Variants in GNPTAB observed in about 807,000 individuals in gnomAD.
GNPTAB encodes N-acetylglucosamine-1-phosphate transferase subunits alpha and beta.
In GNPTAB, 92 loss-of-function variants were observed where a neutral mutation model predicts 136.6. The ratio of observed to expected loss-of-function variants is 0.67; its 90% confidence interval spans 0.57 to 0.80. The LOEUF (loss-of-function observed/expected upper bound fraction) is 0.80. Ranked by LOEUF, GNPTAB falls within the 30% of genes least tolerant of loss-of-function variation. GNPTAB has a pLI of 0.00. For synonymous variants in GNPTAB, 512 were observed against 535.1 expected, an observed-to-expected ratio of 0.96 and a Z score of 0.60; for missense variants, 1,343 against 1,501.8, an observed-to-expected ratio of 0.89 and a Z score of 1.75.
chr12:101,824,430 A>ATTTTTTTTT (rs1186690337), intron 1 of GNPTAB, among the ~76,000 whole-genome samples: 3 of 78,824 alleles, frequency 3.8e-5, no homozygotes, highest in Non-Finnish European at 4.8e-5. Flanking sequence ...ATATATATAT[A>ATTTTTTTTT]TATTTTCTTT....
chr12:101,830,158 CAAG>C (rs1871293712), intron 1 of GNPTAB, among the ~76,000 whole-genome samples: 1 of 152,174 alleles, frequency 6.6e-6, no homozygotes, highest in South Asian at 2.1e-4. Flanking sequence ...TTTAGAAAGC[CAAG>C]AAGGGAGGAT....
intron 5 of GNPTAB, among the ~76,000 whole-genome samples, chr12:101,782,510 CT>C (rs1868398385): frequency 6.6e-6 from 1 of 152,196 alleles, no homozygotes; most frequent in Admixed American, 6.5e-5. Context: ...AATCCAACCA[CT>C]TCTTATCTTC....
At chr12:101,814,200 C>T (rs979283530) in intron 1 of GNPTAB, among the ~76,000 whole-genome samples, 1 of 150,654 alleles carries the variant, frequency 6.6e-6, no homozygotes, top group African/African-American at 2.4e-5. Flanking sequence ...CGGTGAGGCT[C>T]GGGCAGGAGA....
intron 1 of GNPTAB, among the ~76,000 whole-genome samples, chr12:101,824,609 G>A (rs1291740682): frequency 1.3e-5 from 2 of 151,090 alleles, no homozygotes; most frequent in Non-Finnish European, 2.9e-5. Flanking sequence ...TGGGACTACA[G>A]GCATGCACCA....
chr12:101,760,781 CTTTT>C (rs879535763), intron 15 of GNPTAB, among the ~76,000 whole-genome samples: 3 of 137,204 alleles, frequency 2.2e-5, no homozygotes, highest in Non-Finnish European at 3.2e-5. Flanking sequence ...ATTTTCTTTT[CTTTT>C]TTTTTTTTTT....
At chr12:101,817,121 G>A (rs538894653) in intron 1 of GNPTAB, among the ~76,000 whole-genome samples, 1 of 152,206 alleles carries the variant, frequency 6.6e-6, no homozygotes, top group African/African-American at 2.4e-5. Flanking sequence ...GTGTTCGACA[G>A]CACAAGAGGG....
chr12:101,746,999 T>C lies in GNPTAB; in HGVS notation c.*165A>G. 1.6e-6 allele frequency: 1 copy of C among 633,914 alleles called. No homozygotes were observed. Among genetic ancestry groups the C allele is most frequent in the African/African-American group, 1.8e-5 (1 of 55,054 alleles). 39.3% of individuals were successfully genotyped at this position (633,914 alleles called of 1,614,324 possible). A position where few individuals can be genotyped will look rare whatever the true frequency, so the allele number is the denominator to read the frequency against. On this transcript the variant is annotated 3_prime_UTR_variant, in exon 21 of 21. Coordinates refer to ENST00000299314, the MANE Select transcript of GNPTAB (RefSeq NM_024312.5). Reference sequence around the variant, plus strand: ...AGTTTTCAGTGGGTTGGTTAAATAATTCCTGGTCAGTGGGCTATATTCATG... The same window carrying C: ...AGTTTTCAGTGGGTTGGTTAAATAACTCCTGGTCAGTGGGCTATATTCATG...
At chr12:101,813,079 C>T (rs1389197205) in intron 1 of GNPTAB, among the ~76,000 whole-genome samples, 4 of 151,866 alleles carry the variant, frequency 2.6e-5, no homozygotes, top group East Asian at 1.9e-4. Flanking sequence ...GTGATCCTCC[C>T]GCCTCAGCCT....
intron 1 of GNPTAB, among the ~76,000 whole-genome samples, chr12:101,829,537 T>C (rs1417144556): frequency 1.3e-5 from 2 of 152,188 alleles, no homozygotes; most frequent in African/African-American, 4.8e-5. Flanking sequence ...TTAAGTCATC[T>C]TCACACTGCA....
chr12:101,800,450 C>T (rs550801200), intron 1 of GNPTAB, among the ~76,000 whole-genome samples: 3 of 151,808 alleles, frequency 2.0e-5, no homozygotes, highest in East Asian at 1.9e-4. Flanking sequence ...CTTTTGGGTC[C>T]GCAAACTTGT....
chr12:101,796,175 A>C, intron 2 of GNPTAB: 1 of 700,320 alleles, frequency 1.4e-6, no homozygotes, highest in Admixed American at 2.0e-5. Context: ...TGTCAACAGA[A>C]TTCCGGCCAG....
In GNPTAB at chr12:101,765,292, T is replaced by C. The variant is rs753664593; in HGVS notation, c.1625A>G (p.Glu542Gly). 8 of 1,607,476 alleles carry C rather than the reference T, an allele frequency of 5.0e-6. No individual in the cohort carries two copies. The South Asian group carries it at 8.8e-5, about 18-fold the overall frequency. ...AGDCGQDHFH[E>G]LYKVILLPNQ... Reference sequence around the variant, plus strand: ...TGGGAGAAGGATCACTTTATACAATTCATGAAAATGATCTAGAGGAAAAAA... The same window carrying C: ...TGGGAGAAGGATCACTTTATACAATCCATGAAAATGATCTAGAGGAAAAAA... The change falls in exon 13 of 21, where the codon GAA becomes GGA. Residue 542 changes from glutamate (E) to glycine (G), a missense_variant. Glu to Gly is a moderately conservative substitution (Grantham distance 98, BLOSUM62 -2). Coordinates refer to ENST00000299314, the MANE Select transcript of GNPTAB (RefSeq NM_024312.5).
intron 18 of GNPTAB, among the ~76,000 whole-genome samples, chr12:101,755,955 T>G (rs1169019479): frequency 6.6e-6 from 1 of 152,188 alleles, no homozygotes; most frequent in Admixed American, 6.5e-5. Flanking sequence ...AACTAAAAAC[T>G]GCAAATTCTC....
intron 7 of GNPTAB, among the ~76,000 whole-genome samples, chr12:101,771,498 C>G (rs1343548925): frequency 6.6e-6 from 1 of 152,194 alleles, no homozygotes; most frequent in Admixed American, 6.5e-5. Flanking sequence ...CCTGCCTTGG[C>G]CTCCCAAAGT....
At chr12:101,816,418 C>T (rs934592826) in intron 1 of GNPTAB, among the ~76,000 whole-genome samples, 2 of 152,244 alleles carry the variant, frequency 1.3e-5, no homozygotes, top group Non-Finnish European at 2.9e-5. Context: ...AAAGAAGACA[C>T]ATGTAAGTGG....
chr12:101,799,390 C>A (rs1296874727), intron 1 of GNPTAB, among the ~76,000 whole-genome samples: 1 of 152,184 alleles, frequency 6.6e-6, no homozygotes, highest in Non-Finnish European at 1.5e-5. Context: ...CAAAGAAAAT[C>A]ATCGATGAGA....
intron 1 of GNPTAB, among the ~76,000 whole-genome samples, chr12:101,805,295 ACT>A (rs776263356): frequency 6.6e-6 from 1 of 152,254 alleles, no homozygotes; most frequent in African/African-American, 2.4e-5. Context: ...TTTATTTCAC[ACT>A]GTTACCTAAA....
At position 101,761,619 on chromosome 12, in the gene GNPTAB, G is replaced by A; in HGVS notation, c.2860C>T (p.Pro954Ser). The A allele has an allele frequency of 1.2e-6, 2 of 1,614,128 alleles. No individual in the cohort carries two copies. Among genetic ancestry groups the A allele is most frequent in the East Asian group, 2.2e-5 (1 of 44,872 alleles). The change falls in exon 14 of 21, where the codon CCT (proline) becomes TCT (serine). Residue 954 changes from proline (P) to serine (S), a missense_variant. By Grantham distance (74) the Pro-to-Ser change is moderately conservative (BLOSUM62 -1). Coordinates refer to ENST00000299314, the MANE Select transcript of GNPTAB (RefSeq NM_024312.5). ...TCAATCATGTGAGGCATGTGAGCAG[G>A]GACTTTCCGCGATGTGAATCCAAAC... Reference protein sequence around the residue: ...SKFGFTSRKVPAHMPHMIDRI... With the variant: ...SKFGFTSRKVSAHMPHMIDRI...
intron 1 of GNPTAB, among the ~76,000 whole-genome samples, chr12:101,817,936 G>A (rs1870590194): frequency 6.6e-6 from 1 of 152,140 alleles, no homozygotes; most frequent in South Asian, 2.1e-4. Flanking sequence ...TCTAAGCACA[G>A]ATTTTATTTC....
Sources: gnomAD v4.1 joint callset for allele counts (sites outside exome capture counted in the v4.1 genomes callset) on GRCh38, gnomAD v4.1.1 for gene constraint, MANE v1.5 for transcripts, NCBI Gene and HGNC (gene_info 2026-07-23, HGNC 2026-07-21) for gene names.